Variants in OCIAD1 observed in about 807,000 individuals in gnomAD.
OCIAD1 encodes OCIA domain containing 1, also known as OCIA domain-containing protein 1.
OCIAD1 carries 29 observed loss-of-function variants against 38.9 expected under a neutral mutation model. The ratio of observed to expected loss-of-function variants is 0.74; its 90% confidence interval spans 0.55 to 1.02. The LOEUF is 1.02. Among genes scored for constraint, OCIAD1 ranks in the 50% least tolerant of loss-of-function variants. The pLI, the probability that OCIAD1 is intolerant of heterozygous loss-of-function variation, is 0.00. For missense variants in OCIAD1, 288 were observed against 289.6 expected, an observed-to-expected ratio of 0.99 and a Z score of 0.04; for synonymous variants, 110 against 92.0, an observed-to-expected ratio of 1.20 and a Z score of -1.12.
chr4:48,836,529 A>T (rs575266055), intron 3 of OCIAD1, among the ~76,000 whole-genome samples: 12 of 152,224 alleles, frequency 7.9e-5, no homozygotes, highest in Non-Finnish European at 1.6e-4. Flanking sequence ...TTTATTGTGG[A>T]GTTGTGTTGG....
intron 7 of OCIAD1, chr4:48,856,758 A>C (rs1199884998): frequency 6.6e-6 from 1 of 152,168 alleles, no homozygotes; most frequent in South Asian, 2.1e-4. Flanking sequence ...AGTTGTTTTC[A>C]TAGAGTCTGT....
chr4:48,854,808 A>G (rs1401808370), intron 7 of OCIAD1, among the ~76,000 whole-genome samples: 1 of 152,124 alleles, frequency 6.6e-6, no homozygotes, highest in Non-Finnish European at 1.5e-5. Context: ...AGGGCATCTT[A>G]TTCTTTGGTT....
chr4:48,833,665 T>C (rs1777733358), intron 3 of OCIAD1, among the ~76,000 whole-genome samples, 184 bp downstream of exon 3: 1 of 152,216 alleles, frequency 6.6e-6, no homozygotes, highest in Non-Finnish European at 1.5e-5. Context: ...AAAGTAATTA[T>C]TTCCAGATTT....
chr4:48,827,298 T>A (rs1481084865), upstream of OCIAD1, among the ~76,000 whole-genome samples: 1 of 152,244 alleles, frequency 6.6e-6, no homozygotes, highest in East Asian at 1.9e-4. Flanking sequence ...CCTTTATTAT[T>A]AATTTTTTTA....
At chr4:48,817,173 G>A (rs1380377647) in intron 1 of OCIAD1, among the ~76,000 whole-genome samples, 16 of 152,196 alleles carry the variant, frequency 1.1e-4, no homozygotes, top group African/African-American at 2.4e-5. Context: ...GCTTCACCCG[G>A]GAAGTGTAAG....
At position 48,854,147 on chromosome 4, in the gene OCIAD1, A is replaced by G. The variant is rs150872782; in HGVS notation, c.547+2172A>G. Among the ~76,000 whole-genome samples, 233 of 152,232 alleles carry G rather than the reference A, an allele frequency of 1.5e-3. No individual in the cohort carries two copies. In the Middle Eastern group the frequency reaches 0.031, roughly 20 times the overall value. ...CTTGTACAGTAGTCCCCCCTTATCC[A>G]TGGGGGATAAGTTCGAAGACCCCTG... On this transcript the variant is annotated intron_variant, in intron 7 of 8. Transcript: ENST00000264312.
chr4:48,821,891 G>T (rs560755187), intron 1 of OCIAD1, among the ~76,000 whole-genome samples: 1 of 152,026 alleles, frequency 6.6e-6, no homozygotes, highest in African/African-American at 2.4e-5. Flanking sequence ...AAGGAAATAC[G>T]AGAGGACACA....
chr4:48,847,215 A>C (rs1779050641), intron 4 of OCIAD1, among the ~76,000 whole-genome samples: 1 of 152,126 alleles, frequency 6.6e-6, no homozygotes, highest in African/African-American at 2.4e-5. Flanking sequence ...AGACCTTTCC[A>C]TTTGTTTATA....
intron 2 of OCIAD1, 106 bp from the exon 3 acceptor site, chr4:48,833,295 A>G (rs1218778903): frequency 1.5e-6 from 1 of 676,962 alleles, no homozygotes; most frequent in Non-Finnish European, 2.6e-6. Flanking sequence ...TTATTATTTG[A>G]GTTTAAAAAA....
chr4:48,832,364 A>G (rs191388893), intron 1 of OCIAD1, among the ~76,000 whole-genome samples: 55 of 152,352 alleles, frequency 3.6e-4, no homozygotes, highest in African/African-American at 1.2e-3. Context: ...AAAAAAAATT[A>G]TAAACTTATA....
intron 1 of OCIAD1, among the ~76,000 whole-genome samples, chr4:48,816,241 T>G (rs539751104): frequency 6.4e-4 from 97 of 152,306 alleles, no homozygotes; most frequent in Non-Finnish European, 1.2e-3. Flanking sequence ...ATGGCACACA[T>G]AGAAAAACGC....
chr4:48,815,107 T>A (rs552781846), intron 1 of OCIAD1, among the ~76,000 whole-genome samples: 1 of 151,944 alleles, frequency 6.6e-6, no homozygotes, highest in African/African-American at 2.4e-5. Flanking sequence ...AGGTCAGGAG[T>A]TCGAGACCAG....
chr4:48,824,036 T>C (rs1777224409), intron 1 of OCIAD1, among the ~76,000 whole-genome samples: 1 of 151,560 alleles, frequency 6.6e-6, no homozygotes, highest in Non-Finnish European at 1.5e-5. Flanking sequence ...TGGAGTGCAG[T>C]GGCATGATCT....
upstream of OCIAD1, among the ~76,000 whole-genome samples, chr4:48,828,565 C>A (rs1777275135): frequency 6.6e-6 from 1 of 152,196 alleles, no homozygotes; most frequent in African/African-American, 2.4e-5. Flanking sequence ...CTGTGAAGGT[C>A]TGCAACTTCA....
chr4:48,823,450 G>T (rs1365840989), intron 1 of OCIAD1, among the ~76,000 whole-genome samples: 1 of 151,744 alleles, frequency 6.6e-6, no homozygotes, highest in Non-Finnish European at 1.5e-5. Flanking sequence ...TGGATGCGGC[G>T]TTTAAAACCT....
upstream of OCIAD1, among the ~76,000 whole-genome samples, chr4:48,827,537 T>C (rs913399199): frequency 6.6e-6 from 1 of 152,244 alleles, no homozygotes; most frequent in Non-Finnish European, 1.5e-5. Flanking sequence ...GCCCAATTTA[T>C]GTTTGAATTC....
At chr4:48,851,630 T>G (rs1779474105) in intron 6 of OCIAD1, among the ~76,000 whole-genome samples, 176 bp from the exon 7 acceptor site, 1 of 152,008 alleles carries the variant, frequency 6.6e-6, no homozygotes, top group African/African-American at 2.4e-5. Context: ...AAGCCAAGAC[T>G]GCGTCACTGC....
chr4:48,838,755 C>T (rs976702572), intron 3 of OCIAD1, among the ~76,000 whole-genome samples: 3 of 152,160 alleles, frequency 2.0e-5, no homozygotes, highest in Non-Finnish European at 4.4e-5. Flanking sequence ...ATTTTTTATA[C>T]ATTTTTTAGG....
chr4:48,841,753 TAGAC>T (rs1031774864), intron 3 of OCIAD1, among the ~76,000 whole-genome samples: 2 of 152,172 alleles, frequency 1.3e-5, no homozygotes, highest in Non-Finnish European at 2.9e-5. Flanking sequence ...AAAATTCTGT[TAGAC>T]AGTGCTGGTG....
Sources: gnomAD v4.1 joint callset for allele counts (sites outside exome capture counted in the v4.1 genomes callset) on GRCh38, gnomAD v4.1.1 for gene constraint, MANE v1.5 for transcripts, NCBI Gene and HGNC (gene_info 2026-07-23, HGNC 2026-07-21) for gene names.